The following CDADC1 variants were observed in gnomAD, a reference collection of about 807,000 sequenced individuals.
The protein encoded by CDADC1 is dCTP deaminase.
A neutral mutation model predicts 54.9 loss-of-function variants in CDADC1; 39 were observed. The ratio of observed to expected loss-of-function variants is 0.71; its 90% CI spans 0.55 to 0.93. The LOEUF (loss-of-function observed/expected upper bound fraction) is 0.93. Among genes scored for constraint, CDADC1 ranks in the 40% least tolerant of loss-of-function variants. The pLI, the probability that CDADC1 is intolerant of heterozygous loss-of-function variation, is 0.00. For synonymous variants in CDADC1, 186 were observed against 204.0 expected, an observed-to-expected ratio of 0.91 and a Z score of 0.75; for missense variants, 518 against 618.8, an observed-to-expected ratio of 0.84 and a Z score of 1.73.
At position 49,249,443 on chromosome 13, in the gene CDADC1, T is replaced by A. The variant is rs57856928; in HGVS notation, c.177+478T>A. Among the ~76,000 whole-genome samples, 5 of 152,266 alleles carry A rather than the reference T, an allele frequency of 3.3e-5. No individual in the cohort carries two copies. In the East Asian group the frequency reaches 9.6e-4, roughly 29 times the overall value. ...TCTTGAAAGACAGGATCAAAACAGA[T>A]TAGAAATGGGCTGTGTGCAGTGGCT... On this transcript the variant is annotated intron_variant, in intron 2 of 9. Transcript: ENST00000251108.
chr13:49,262,561 C>T (rs570779640), intron 4 of CDADC1, among the ~76,000 whole-genome samples: 7 of 152,092 alleles, frequency 4.6e-5, no homozygotes, highest in South Asian at 2.1e-4. Context: ...GACAGAGTCT[C>T]GCTCTGTCAC....
chr13:49,251,101 C>T (rs2138190126), intron 2 of CDADC1, among the ~76,000 whole-genome samples: 1 of 151,956 alleles, frequency 6.6e-6, no homozygotes, highest in African/African-American at 2.4e-5. Flanking sequence ...AGATTAGAAA[C>T]AAATATTTAG....
At chr13:49,269,166 C>T (rs1184758003) in intron 5 of CDADC1, among the ~76,000 whole-genome samples, 1 of 152,142 alleles carries the variant, frequency 6.6e-6, no homozygotes, top group African/African-American at 2.4e-5. Context: ...GAAAAGGTCT[C>T]TACAGATGCT....
At chr13:49,261,194 A>G (rs1952675853) in intron 4 of CDADC1, among the ~76,000 whole-genome samples, 1 of 152,216 alleles carries the variant, frequency 6.6e-6, no homozygotes, top group Non-Finnish European at 1.5e-5. Context: ...CTTAAGAGTA[A>G]TGATCAGATC....
At position 49,275,692 on chromosome 13, in the gene CDADC1, TATA is replaced by T. The variant is rs1953087080; in HGVS notation, c.1050+1353_1050+1355del. ...TGAATTTTAAATTTTCTAGGTGTTA[TATA>T]TATATATATATATATATATATATAT... On this transcript the variant is annotated intron_variant, in intron 6 of 9. Transcript: ENST00000251108. Among the ~76,000 whole-genome samples, 10 of 16,292 alleles carry T rather than the reference TATA, an allele frequency of 6.1e-4. No homozygotes were observed. The East Asian group carries it at 9.6e-3, about 16-fold the overall frequency. 10.7% of individuals were successfully genotyped at this position (16,292 alleles called of 152,430 possible).
intron 4 of CDADC1, among the ~76,000 whole-genome samples, chr13:49,263,742 A>C (rs60206634): frequency 0.01 from 1,593 of 151,932 alleles, 22 homozygotes; most frequent in African/African-American, 0.036. Context: ...GTCTTCTATT[A>C]AGCCAAATTT....
rs1325902817 is a variant in CDADC1, at chr13:49,268,079, A to G, written c.1000+20A>G. ...GAACTGGTGAGTTACATAGATCGTA[A>G]ATTGGGGCTGATTGGTTGGGTTGTA... On this transcript the variant is annotated intron_variant, in intron 5 of 9. Coordinates refer to ENST00000251108, the MANE Select transcript of CDADC1 (RefSeq NM_030911.4). The G allele has an allele frequency of 1.9e-6, 3 of 1,566,906 alleles. No homozygotes were observed. The highest frequency in any genetic ancestry group is 2.6e-6 in the Non-Finnish European group (3 of 1,148,780).
chr13:49,256,131 T>TAA (rs373112906), intron 3 of CDADC1, among the ~76,000 whole-genome samples: 1 of 145,328 alleles, frequency 6.9e-6, no homozygotes. Flanking sequence ...CATCTTGCTT[T>TAA]AAAAAAAAAA....
chr13:49,251,237 G>A (rs1593784030), intron 2 of CDADC1, among the ~76,000 whole-genome samples: 1 of 151,872 alleles, frequency 6.6e-6, no homozygotes, highest in Non-Finnish European at 1.5e-5. Flanking sequence ...GTGAAACCCC[G>A]TCTCTGCCAA....
intron 8 of CDADC1, 146 bp from the exon 9 acceptor site, chr13:49,286,076 A>G: frequency 1.7e-6 from 1 of 582,918 alleles, no homozygotes; most frequent in Non-Finnish European, 3.0e-6. Context: ...GGCCTCCCAA[A>G]GTGCTGGGAT....
At position 49,272,195 on chromosome 13, in the gene CDADC1, TTTTA is replaced by T. The variant is rs565010680; in HGVS notation, c.1001-2093_1001-2090del. 6.6e-3 allele frequency among the ~76,000 whole-genome samples: 1,007 copies of T among 152,264 alleles called. 9 individuals are homozygous for T. The highest frequency in any genetic ancestry group is 0.023 in the African/African-American group (939 of 41,548). ...AAAGGGGGCTTTTAATATGGAGAATTTTTATTCTGGTTTTTTATTTTTTCATTTT... is the reference window on the plus strand; with the variant it reads ...AAAGGGGGCTTTTAATATGGAGAATTTTCTGGTTTTTTATTTTTTCATTTT... On this transcript the variant is annotated intron_variant, in intron 5 of 9. Coordinates refer to ENST00000251108, the MANE Select transcript of CDADC1 (RefSeq NM_030911.4).
Position 49,292,778 on chromosome 13 carries a change from G to A in CDADC1, c.*1021G>A. ...AGGTACATTTTCTGTTCTCTCCTAG[G>A]TTAGAGAGGGGTGGCCTGGGGTGCT... On this transcript the variant is annotated 3_prime_UTR_variant, in exon 10 of 10. Transcript: ENST00000251108. 3 of 1,282,124 alleles carry A rather than the reference G, an allele frequency of 2.3e-6. No individual in the cohort carries two copies. The South Asian group carries it at 3.8e-5, about 16-fold the overall frequency. 79.4% of individuals were successfully genotyped at this position (1,282,124 alleles called of 1,614,324 possible). A position where few individuals can be genotyped will look rare whatever the true frequency, so the allele number is the denominator to read the frequency against.
chr13:49,260,854 T>G (rs1177361271), intron 4 of CDADC1, among the ~76,000 whole-genome samples: 1 of 152,228 alleles, frequency 6.6e-6, no homozygotes, highest in African/African-American at 2.4e-5. Context: ...TTGTAAGTGA[T>G]ATTTGGTCTC....
At chr13:49,256,218 G>A (rs1471265602) in intron 3 of CDADC1, among the ~76,000 whole-genome samples, 2 of 151,962 alleles carry the variant, frequency 1.3e-5, no homozygotes, top group Non-Finnish European at 1.5e-5. Flanking sequence ...CACCTTGCTG[G>A]GTATGCCAAG....
intron 2 of CDADC1, among the ~76,000 whole-genome samples, chr13:49,254,276 A>C (rs1952494090): frequency 6.6e-6 from 1 of 152,140 alleles, no homozygotes; most frequent in Admixed American, 6.5e-5. Flanking sequence ...GGGTTTTCTT[A>C]TAAACTTCTT....
intron 1 of CDADC1, among the ~76,000 whole-genome samples, chr13:49,248,641 G>A (rs538737383): frequency 8.5e-5 from 13 of 152,278 alleles, no homozygotes; most frequent in African/African-American, 3.1e-4. Flanking sequence ...TTCCTGCAGG[G>A]TGAGGGCTGG....
At position 49,280,836 on chromosome 13, in the gene CDADC1, T is replaced by A. The variant is rs202105381; in HGVS notation, c.1410+138T>A. The A allele has an allele frequency of 4.8e-5, 6 of 125,292 alleles. 1 individual carries two copies. The highest frequency in any genetic ancestry group is 5.2e-4 in the South Asian group (2 of 3,874). 7.8% of individuals were successfully genotyped at this position (125,292 alleles called of 1,614,324 possible). On this transcript the variant is annotated intron_variant, in intron 8 of 9. Coordinates refer to ENST00000251108, the MANE Select transcript of CDADC1 (RefSeq NM_030911.4). ...TATTATTATTATTATTATTATTATTTTATTATTATTATTTGAGACAGAGTC... is the reference window on the plus strand; with the variant it reads ...TATTATTATTATTATTATTATTATTATATTATTATTATTTGAGACAGAGTC...
At chr13:49,280,813 T>TTATTATTA (rs1275830204) in intron 8 of CDADC1, 115 bp downstream of exon 8, 3 of 218,630 alleles carry the variant, frequency 1.4e-5, no homozygotes, top group Non-Finnish European at 2.6e-5. Flanking sequence ...CAAATTATTA[T>TTATTATTA]TATTATTATT....
At chr13:49,262,116 A>T (rs1952700149) in intron 4 of CDADC1, among the ~76,000 whole-genome samples, 1 of 152,132 alleles carries the variant, frequency 6.6e-6, no homozygotes, top group Non-Finnish European at 1.5e-5. Context: ...TGGACTCCTG[A>T]TGGTCCACGA....
Sources: gnomAD v4.1 joint callset for allele counts (sites outside exome capture counted in the v4.1 genomes callset) on GRCh38, gnomAD v4.1.1 for gene constraint, MANE v1.5 for transcripts, NCBI Gene and HGNC (gene_info 2026-07-23, HGNC 2026-07-21) for gene names.